AKAP13: variants seen among roughly 807,000 people sequenced by gnomAD.
AKAP13 encodes the protein A-kinase anchor protein 13.
Under a neutral mutation model 264.5 loss-of-function variants are expected in AKAP13, and 80 were observed. That is an observed-to-expected ratio of 0.30 (90% CI 0.25 to 0.36). The LOEUF (loss-of-function observed/expected upper bound fraction) is 0.36. AKAP13 is among the 10% of genes least tolerant of loss of function. The pLI is 1.00. For synonymous variants in AKAP13, 1,380 were observed against 1,250.2 expected (o/e 1.10, Z -2.19); for missense variants, 3,712 against 3,435.2 (o/e 1.08, Z -2.01).
At chr15:85,617,209 G>A (rs2080975233) in intron 8 of AKAP13, among the ~76,000 whole-genome samples, 1 of 151,764 alleles carries the variant, frequency 6.6e-6, no homozygotes. Flanking sequence ...ACTGGACAGG[G>A]ATAGGGTAGA....
chr15:85,421,589 G>A (rs192260092), intron 1 of AKAP13, among the ~76,000 whole-genome samples: 3 of 152,370 alleles, frequency 2.0e-5, no homozygotes, highest in African/African-American at 4.8e-5. Context: ...GCGTGTGCGC[G>A]CGCGCCTGTG....
intron 1 of AKAP13, among the ~76,000 whole-genome samples, chr15:85,449,886 T>C (rs978902119): frequency 1.3e-5 from 2 of 152,166 alleles, no homozygotes; most frequent in African/African-American, 4.8e-5. Flanking sequence ...TCTCTTTTTT[T>C]GTAGTATTTC....
chr15:85,685,393 C>T (rs2084842484), intron 16 of AKAP13: 1 of 152,038 alleles, frequency 6.6e-6, no homozygotes, highest in South Asian at 2.1e-4. Context: ...TTTCTTAGAT[C>T]TATTTCTAAT....
chr15:85,556,759 C>G (rs1049150140), intron 5 of AKAP13, among the ~76,000 whole-genome samples: 9 of 152,220 alleles, frequency 5.9e-5, no homozygotes, highest in Non-Finnish European at 7.3e-5. Flanking sequence ...GCCTGATGTT[C>G]TTGTTCCCTA....
chr15:85,747,296 T>C lies in AKAP13; in HGVS notation c.*2619T>C, dbSNP rs1439026392. On this transcript the variant is annotated 3_prime_UTR_variant, in exon 37 of 37. Coordinates refer to ENST00000394518, the MANE Select transcript of AKAP13 (RefSeq NM_007200.5). ...TCCTGTCCTGGGGATTTACCTGGGA[T>C]GGTGGCTGCCTGTGCTTTTGCTCAT... 2.0e-5 allele frequency: 3 copies of C among 152,386 alleles called. No individual in the cohort carries two copies. The highest frequency in any genetic ancestry group is 7.2e-5 in the African/African-American group (3 of 41,436). 9.4% of individuals were successfully genotyped at this position (152,386 alleles called of 1,614,324 possible).
intron 14 of AKAP13, among the ~76,000 whole-genome samples, chr15:85,674,572 T>C (rs145241380): frequency 3.9e-5 from 6 of 152,332 alleles, no homozygotes; most frequent in African/African-American, 7.2e-5. Context: ...GCCAAGTTTC[T>C]TAAGCATGTT....
At chr15:85,582,194 C>A in intron 7 of AKAP13, 87 bp downstream of exon 7, 1 of 1,425,302 alleles carries the variant, frequency 7.0e-7, no homozygotes, top group Non-Finnish European at 9.2e-7. Context: ...ATATAGGCAT[C>A]TTTGTTGTTT....
chr15:85,726,333 A>T, intron 26 of AKAP13, 77 bp from the exon 27 acceptor site: 1 of 1,258,954 alleles, frequency 7.9e-7, no homozygotes, highest in Non-Finnish European at 1.1e-6. Context: ...ACACCCTTCA[A>T]TAAAAAACCT....
chr15:85,567,465 T>C lies in AKAP13; in HGVS notation c.663-7666T>C, dbSNP rs367746227. Reference sequence around the variant, plus strand: ...AGTAGTGGTGACTGTAGGCTTTTAGTATAACCATCACCTAAATAATGTACC... The same window carrying C: ...AGTAGTGGTGACTGTAGGCTTTTAGCATAACCATCACCTAAATAATGTACC... On this transcript the variant is annotated intron_variant, in intron 5 of 36. Transcript: ENST00000394518. 7.2e-5 allele frequency among the ~76,000 whole-genome samples: 11 copies of C among 152,300 alleles called. No homozygotes were observed. The East Asian group carries it at 1.9e-3, about 27-fold the overall frequency.
At chr15:85,556,451 CAT>C (rs2078151854) in intron 5 of AKAP13, among the ~76,000 whole-genome samples, 1 of 152,168 alleles carries the variant, frequency 6.6e-6, no homozygotes. Flanking sequence ...TATGGTCTAT[CAT>C]AGACTGAAAC....
In AKAP13 at chr15:85,718,192, G is replaced by T. The variant is rs532329338; in HGVS notation, c.6001+33G>T. 3 of 1,605,252 alleles carry T rather than the reference G, an allele frequency of 1.9e-6. No individual in the cohort carries two copies. In the South Asian group the frequency reaches 3.3e-5, roughly 18 times the overall value. On this transcript the variant is annotated intron_variant, in intron 22 of 36. Coordinates refer to ENST00000394518, the MANE Select transcript of AKAP13 (RefSeq NM_007200.5). This position sits in a 1 kb window ranked among gnomAD's most constrained non-coding sequence, Gnocchi z 4.9. ...TCTTCATTTTGCTCTGATTATATTTGATTTCCATTGTCCAGCATTTTTAAG... is the reference window on the plus strand; with the variant it reads ...TCTTCATTTTGCTCTGATTATATTTTATTTCCATTGTCCAGCATTTTTAAG...
At chr15:85,610,448 T>C (rs2080555258) in intron 8 of AKAP13, among the ~76,000 whole-genome samples, 2 of 152,266 alleles carry the variant, frequency 1.3e-5, no homozygotes, top group Admixed American at 6.5e-5. Flanking sequence ...AGGATCTCTT[T>C]GACACAATCA....
intron 6 of AKAP13, among the ~76,000 whole-genome samples, chr15:85,577,418 G>A (rs1278167669): frequency 2.0e-5 from 3 of 152,140 alleles, no homozygotes; most frequent in African/African-American, 7.2e-5. Context: ...TGATATAAAG[G>A]TAAAATCACT....
chr15:85,453,903 G>A (rs1316408718), intron 1 of AKAP13, among the ~76,000 whole-genome samples: 1 of 152,190 alleles, frequency 6.6e-6, no homozygotes, highest in Non-Finnish European at 1.5e-5. Context: ...GCCTGGCCAC[G>A]TTTGGGTAGA....
In AKAP13 at chr15:85,603,881, G is replaced by T. The variant is rs573711036; in HGVS notation, c.4161+18058G>T. Among the ~76,000 whole-genome samples the T allele has an allele frequency of 1.0e-3, 154 of 152,266 alleles. 1 individual carries two copies. Among genetic ancestry groups the T allele is most frequent in the African/African-American group, 3.3e-3 (137 of 41,548 alleles). Reference sequence around the variant, plus strand: ...CTGGAACAGACCCAGTGGAATTGCAGTGTATCTCATGTGCCTCACTAAGTA... The same window carrying T: ...CTGGAACAGACCCAGTGGAATTGCATTGTATCTCATGTGCCTCACTAAGTA... On this transcript the variant is annotated intron_variant, in intron 8 of 36. Coordinates refer to ENST00000394518, the MANE Select transcript of AKAP13 (RefSeq NM_007200.5).
intron 2 of AKAP13, among the ~76,000 whole-genome samples, chr15:85,498,417 C>T (rs1341466843): frequency 6.6e-6 from 1 of 152,078 alleles, no homozygotes; most frequent in Non-Finnish European, 1.5e-5. Flanking sequence ...TACTGAACAC[C>T]TTCCTTGTAA....
Position 85,471,875 on chromosome 15 carries a change from C to G in AKAP13, c.-11-13835C>G, listed in dbSNP as rs150206371. On this transcript the variant is annotated intron_variant, in intron 1 of 36. Transcript: ENST00000394518. The stretch of plus-strand genomic sequence containing the variant: ...TCCATGTGTTTTTGAATCAGCTTGC[C>G]TTATGAAAGACTACTGGTGTTTTTA... 3.9e-5 allele frequency among the ~76,000 whole-genome samples: 6 copies of G among 152,202 alleles called. No individual in the cohort carries two copies. The East Asian group carries it at 1.2e-3, about 29-fold the overall frequency.
intron 8 of AKAP13, among the ~76,000 whole-genome samples, chr15:85,629,873 G>A (rs984306303): frequency 4.5e-5 from 6 of 134,818 alleles, no homozygotes; most frequent in Non-Finnish European, 7.7e-5. Flanking sequence ...TCCACCTCCC[G>A]GGCTCAAGCC....
chr15:85,664,321 T>G (rs2083486042), intron 12 of AKAP13, among the ~76,000 whole-genome samples: 1 of 152,204 alleles, frequency 6.6e-6, no homozygotes, highest in South Asian at 2.1e-4. Flanking sequence ...TCTTAGGTGG[T>G]TCAACATTTG....
Sources: allele counts gnomAD v4.1 joint callset (sites outside exome capture counted in the v4.1 genomes callset), GRCh38; gene constraint gnomAD v4.1.1; non-coding constraint Gnocchi (gnomAD v3.1); transcripts MANE v1.5; gene names NCBI Gene and HGNC (gene_info 2026-07-23, HGNC 2026-07-21).